C15orf40: variants seen among roughly 807,000 people sequenced by gnomAD.
C15orf40 encodes the protein UPF0235 protein C15orf40.
A neutral mutation model predicts 13.9 loss-of-function variants in C15orf40; 9 were observed. The ratio of observed to expected loss-of-function variants is 0.65; its 90% confidence interval spans 0.39 to 1.13. The LOEUF (loss-of-function observed/expected upper bound fraction) is 1.13. Among genes scored for constraint, C15orf40 ranks in the 50% most tolerant of loss-of-function variants. The probability of loss-of-function intolerance (pLI) is 0.01; values close to 1 mark genes in which losing one functional copy is unlikely to be tolerated. For missense variants in C15orf40, 225 were observed against 188.5 expected, an observed-to-expected ratio of 1.19 and a Z score of -1.13; for synonymous variants, 95 against 69.2, an observed-to-expected ratio of 1.37 and a Z score of -1.85.
chr15:83,008,191 C>CAA lies in C15orf40; in HGVS notation c.366+355_366+356dup, dbSNP rs113081534. On this transcript the variant is annotated intron_variant, in intron 3 of 3. Transcript: ENST00000304177. The stretch of plus-strand genomic sequence containing the variant: ...TGGACAACAGAGCGAGACTCCGTCT[C>CAA]AAAAAAAAAAAGAAAATAATTAAAG... The CAA allele has an allele frequency of 5.3e-3, 1,061 of 200,118 alleles. 1 individual carries two copies. The highest frequency in any genetic ancestry group is 7.3e-3 in the Non-Finnish European group (726 of 99,546). 12.4% of individuals were successfully genotyped at this position (200,118 alleles called of 1,614,324 possible).
In C15orf40 at chr15:82,999,375, T is replaced by C. The variant is rs1023950689; in HGVS notation, c.*6222A>G. On this transcript the variant is annotated 3_prime_UTR_variant, in exon 4 of 4. Coordinates refer to ENST00000304177, the MANE Select transcript of C15orf40 (RefSeq NM_144597.3). ...GCCTAGTTAATTTTTTTAATTTTTT[T>C]TGGAGAAATGGGGTCTTACCACGTC... The C allele has an allele frequency of 6.6e-6, 1 of 151,938 alleles. No homozygotes were observed. Among genetic ancestry groups the C allele is most frequent in the African/African-American group, 2.4e-5 (1 of 41,304 alleles). The allele number at this position is 151,938 out of a possible 1,614,324, so 9.4% of individuals were successfully genotyped here. A position where few individuals can be genotyped will look rare whatever the true frequency, so the allele number is the denominator to read the frequency against.
downstream of C15orf40, chr15:82,989,100 G>A: frequency 1.2e-6 from 2 of 1,613,872 alleles, no homozygotes; most frequent in Non-Finnish European, 8.5e-7. Flanking sequence ...GGAGTATCAG[G>A]AATACCTGAA....
downstream of C15orf40, among the ~76,000 whole-genome samples, chr15:82,991,626 C>T (rs1348757601): frequency 3.3e-5 from 5 of 152,192 alleles, no homozygotes; most frequent in Non-Finnish European, 1.5e-5. Flanking sequence ...TCGAGGTTGA[C>T]TTCTCCAGGT....
rs1357188051 is a variant in C15orf40, at chr15:83,008,621, T to C, written c.293A>G (p.Glu98Gly). Reference protein sequence around the residue: ...VAIAAPPSEGEANAELCRYLS... With the variant: ...VAIAAPPSEGGANAELCRYLS... The stretch of plus-strand genomic sequence containing the variant: ...ATACCGACAGAGCTCAGCATTAGCC[T>C]CTCCCTCTGATGGAGGTGCTGCAAT... The change falls in exon 3 of 4, where the codon GAG becomes GGG. Residue 98 changes from glutamate (E) to glycine (G), a missense_variant. Physicochemically the swap from Glu to Gly is moderately conservative, Grantham distance 98. Coordinates refer to ENST00000304177, the MANE Select transcript of C15orf40 (RefSeq NM_144597.3). 1 of 1,613,278 alleles carries C rather than the reference T, an allele frequency of 6.2e-7. No individual in the cohort carries two copies. The highest frequency in any genetic ancestry group is 1.3e-5 in the African/African-American group (1 of 74,850).
chr15:83,011,623 C>T lies in C15orf40; in HGVS notation c.-16G>A. On this transcript the variant is annotated 5_prime_UTR_variant, in exon 1 of 4. Coordinates refer to ENST00000304177, the MANE Select transcript of C15orf40 (RefSeq NM_144597.3). ...GCCGCAGCATCCCCGCCTGGGAAGG[C>T]GCCGGAAGAGCCCTCTGCGCTTGCG... 1.3e-6 allele frequency: 2 copies of T among 1,556,362 alleles called. No individual in the cohort carries two copies. The highest frequency in any genetic ancestry group is 1.7e-6 in the Non-Finnish European group (2 of 1,155,828).
chr15:83,006,437 C>T (rs1009666154), intron 3 of C15orf40: 4 of 985,262 alleles, frequency 4.1e-6, no homozygotes, highest in Middle Eastern at 5.2e-4. Flanking sequence ...ATCCAAGTGC[C>T]ACGATTTCAC....
In C15orf40 at chr15:83,008,620, C is replaced by G. The variant is rs142320183; in HGVS notation, c.294G>C (p.Glu98Asp). ...VAIAAPPSEG[E>D]ANAELCRYLS... Reference sequence around the variant, plus strand: ...GATACCGACAGAGCTCAGCATTAGCCTCTCCCTCTGATGGAGGTGCTGCAA... The same window carrying G: ...GATACCGACAGAGCTCAGCATTAGCGTCTCCCTCTGATGGAGGTGCTGCAA... Residue 98 changes from glutamate (E) to aspartate (D), a missense_variant, in exon 3 of 4, where the codon GAG becomes GAC. Physicochemically the swap from Glu to Asp is conservative, Grantham distance 45. Coordinates refer to ENST00000304177, the MANE Select transcript of C15orf40 (RefSeq NM_144597.3). 2.5e-6 allele frequency: 4 copies of G among 1,613,702 alleles called. No individual in the cohort carries two copies. Among genetic ancestry groups the G allele is most frequent in the Admixed American group, 3.3e-5 (2 of 59,938 alleles).
At position 83,005,658 on chromosome 15, in the gene C15orf40, A is replaced by G. The variant is rs1008213164; in HGVS notation, c.401T>C (p.Leu134Ser). The G allele has an allele frequency of 6.2e-7, 1 of 1,612,326 alleles. No individual in the cohort carries two copies. Among genetic ancestry groups the G allele is most frequent in the East Asian group, 2.2e-5 (1 of 44,772 alleles). The change falls in exon 4 of 4, where the codon TTG becomes TCG. Residue 134 changes from leucine to serine, a missense_variant. Leu to Ser is a moderately radical substitution (Grantham distance 145). Coordinates refer to ENST00000304177, the MANE Select transcript of C15orf40 (RefSeq NM_144597.3). ...GATCTCTTCTGGAGTTGTAGAAGCC[A>G]AAAGCTTCACCACCTTTTCACGAGA... ...GKSREKVVKLLASTTPEEILE... is the reference protein window; with the variant it reads ...GKSREKVVKLSASTTPEEILE...
Position 83,010,540 on chromosome 15 carries a change from T to C in C15orf40, c.112-177A>G, listed in dbSNP as rs937927235. On this transcript the variant is annotated intron_variant, in intron 1 of 3. Coordinates refer to ENST00000304177, the MANE Select transcript of C15orf40 (RefSeq NM_144597.3). ...CAACCTTCAAGGCTCTACTCAATTT[T>C]CCCACGAAGGGTTCCCATCAACCCA... The C allele has an allele frequency of 2.2e-5, 14 of 646,896 alleles. No individual in the cohort carries two copies. The African/African-American group carries it at 2.4e-4, about 11-fold the overall frequency. 40.1% of individuals were successfully genotyped at this position (646,896 alleles called of 1,614,324 possible). A position where few individuals can be genotyped will look rare whatever the true frequency, so the allele number is the denominator to read the frequency against.
chr15:82,989,058 A>G, downstream of C15orf40: 1 of 1,613,692 alleles, frequency 6.2e-7, no homozygotes, highest in South Asian at 1.1e-5. Flanking sequence ...GTTTGAAGAG[A>G]TGTTTGCTAG....
In C15orf40 at chr15:82,998,927, G is replaced by C. The variant is rs1297049778; in HGVS notation, c.*6670C>G. 6.9e-6 allele frequency: 1 copy of C among 145,110 alleles called. No homozygotes were observed. The highest frequency in any genetic ancestry group is 2.6e-5 in the African/African-American group (1 of 37,852). The allele number at this position is 145,110 out of a possible 1,614,324, so 9.0% of individuals were successfully genotyped here. A position where few individuals can be genotyped will look rare whatever the true frequency, so the allele number is the denominator to read the frequency against. On this transcript the variant is annotated 3_prime_UTR_variant, in exon 4 of 4. Coordinates refer to ENST00000304177, the MANE Select transcript of C15orf40 (RefSeq NM_144597.3). ...ACTCCGTCTGCAATCCCGGCACCTC[G>C]GGAGGCCGAGGTTGGCGGATCACTC...
At position 83,004,976 on chromosome 15, in the gene C15orf40, G is replaced by A; in HGVS notation, c.*621C>T. 7.8e-7 allele frequency: 1 copy of A among 1,277,946 alleles called. No homozygotes were observed. Among genetic ancestry groups the A allele is most frequent in the South Asian group, 1.3e-5 (1 of 79,136 alleles). 79.2% of individuals were successfully genotyped at this position (1,277,946 alleles called of 1,614,324 possible). A position where few individuals can be genotyped will look rare whatever the true frequency, so the allele number is the denominator to read the frequency against. On this transcript the variant is annotated 3_prime_UTR_variant, in exon 4 of 4. Coordinates refer to ENST00000304177, the MANE Select transcript of C15orf40 (RefSeq NM_144597.3). The stretch of plus-strand genomic sequence containing the variant: ...TCTTGAGTAAGTCTCTCAACTTCTG[G>A]ATATAGGAAATCAAAGGCCCCCCAA...
Position 83,005,302 on chromosome 15 carries a change from G to A in C15orf40, c.*295C>T. 1 of 986,688 alleles carries A rather than the reference G, an allele frequency of 1.0e-6. No individual in the cohort carries two copies. The highest frequency in any genetic ancestry group is 3.8e-5 in the South Asian group (1 of 26,340). 61.1% of individuals were successfully genotyped at this position (986,688 alleles called of 1,614,324 possible). Reference sequence around the variant, plus strand: ...TATTTTTTATTTCTTTTTTTTCGGGGGGAGAGAGTTTCACTCTTGTTGCCC... The same window carrying A: ...TATTTTTTATTTCTTTTTTTTCGGGAGGAGAGAGTTTCACTCTTGTTGCCC... On this transcript the variant is annotated 3_prime_UTR_variant, in exon 4 of 4. Transcript: ENST00000304177.
downstream of C15orf40, among the ~76,000 whole-genome samples, chr15:82,992,742 C>G (rs950808938): frequency 3.8e-4 from 58 of 152,292 alleles, no homozygotes; most frequent in African/African-American, 1.3e-3. Flanking sequence ...TAACACCCAA[C>G]ACAGCTAGGC....
Position 83,005,089 on chromosome 15 carries a change from C to A in C15orf40, c.*508G>T. The A allele has an allele frequency of 8.6e-7, 1 of 1,157,200 alleles. No individual in the cohort carries two copies. The highest frequency in any genetic ancestry group is 1.1e-6 in the Non-Finnish European group (1 of 913,690). 71.7% of individuals were successfully genotyped at this position (1,157,200 alleles called of 1,614,324 possible). ...CGCCATGAAATCAGAGTAACATGTT[C>A]CAGGCTGTTTGGGGTTTGGGATTTT... On this transcript the variant is annotated 3_prime_UTR_variant, in exon 4 of 4. Coordinates refer to ENST00000304177, the MANE Select transcript of C15orf40 (RefSeq NM_144597.3).
rs2031529591 is a variant in C15orf40, at chr15:83,003,775, C to G, written c.*1822G>C. 6.6e-6 allele frequency: 1 copy of G among 152,210 alleles called. No homozygotes were observed. Among genetic ancestry groups the G allele is most frequent in the African/African-American group, 2.4e-5 (1 of 41,428 alleles). The allele number at this position is 152,210 out of a possible 1,614,324, so 9.4% of individuals were successfully genotyped here. A position where few individuals can be genotyped will look rare whatever the true frequency, so the allele number is the denominator to read the frequency against. Reference sequence around the variant, plus strand: ...TTTTTCTTTCTTTTTGAGACGGAGTCTCACTCTTGTCGCCGAGGCTGGAGT... The same window carrying G: ...TTTTTCTTTCTTTTTGAGACGGAGTGTCACTCTTGTCGCCGAGGCTGGAGT... On this transcript the variant is annotated 3_prime_UTR_variant, in exon 4 of 4. Coordinates refer to ENST00000304177, the MANE Select transcript of C15orf40 (RefSeq NM_144597.3).
chr15:83,009,719 G>A (rs1490872528), intron 2 of C15orf40, among the ~76,000 whole-genome samples: 1 of 152,194 alleles, frequency 6.6e-6, no homozygotes, highest in Non-Finnish European at 1.5e-5. Context: ...GCACTCCAGA[G>A]AATAGCCTGA....
rs1345241217 is a variant in C15orf40 at position 83,004,775 on chromosome 15, G to T, written c.*822C>A. 9 of 1,048,014 alleles carry T rather than the reference G, an allele frequency of 8.6e-6. No homozygotes were observed. Among genetic ancestry groups the T allele is most frequent in the Non-Finnish European group, 1.1e-5 (9 of 854,370 alleles). 64.9% of individuals were successfully genotyped at this position (1,048,014 alleles called of 1,614,324 possible). ...TTAAATAAGCATTTAAAAATCTAAG[G>T]TAAGACTACAAAGCAGCATAACAGG... On this transcript the variant is annotated 3_prime_UTR_variant, in exon 4 of 4. Coordinates refer to ENST00000304177, the MANE Select transcript of C15orf40 (RefSeq NM_144597.3).
intron 3 of C15orf40, among the ~76,000 whole-genome samples, chr15:83,006,683 G>A (rs2031699540): frequency 6.6e-6 from 1 of 152,122 alleles, no homozygotes; most frequent in African/African-American, 2.4e-5. Flanking sequence ...ACCGGGGAGG[G>A]GCGGGGCGCG....
Sources: allele counts gnomAD v4.1 joint callset (sites outside exome capture counted in the v4.1 genomes callset), GRCh38; gene constraint gnomAD v4.1.1; transcripts MANE v1.5; gene names NCBI Gene and HGNC (gene_info 2026-07-23, HGNC 2026-07-21).